Variants in KAT2B observed in about 807,000 individuals in gnomAD.
The protein encoded by KAT2B is lysine acetyltransferase 2B, also known as histone acetyltransferase KAT2B.
A neutral mutation model predicts 105.9 loss-of-function variants in KAT2B; 36 were observed. That is an observed-to-expected ratio of 0.34 (90% CI 0.26 to 0.45). KAT2B has a LOEUF of 0.45. Ranked by LOEUF, KAT2B falls within the 20% of genes least tolerant of loss-of-function variation. KAT2B has a pLI of 1.00. For synonymous variants in KAT2B, 397 were observed against 377.9 expected (o/e 1.05, Z -0.59); for missense variants, 820 against 1,021.6 (o/e 0.80, Z 2.69).
intron 11 of KAT2B, among the ~76,000 whole-genome samples, chr3:20,128,689 G>A (rs1483190202): frequency 6.6e-6 from 1 of 152,048 alleles, no homozygotes; most frequent in Non-Finnish European, 1.5e-5. Flanking sequence ...TTAAGAAAAG[G>A]GAACCAGAAA....
At position 20,063,534 on chromosome 3, in the gene KAT2B, C is replaced by CTTTT. The variant is rs36058009; in HGVS notation, c.304-8772_304-8769dup. ...CTCACAGCAACTTCTGAGTAGGCCTCTTTTTTTTTTTTTTTTTTTTTTTTT... is the reference window on the plus strand; with the variant it reads ...CTCACAGCAACTTCTGAGTAGGCCTCTTTTTTTTTTTTTTTTTTTTTTTTTTTTT... On this transcript the variant is annotated intron_variant, in intron 1 of 17. Coordinates refer to ENST00000263754, the MANE Select transcript of KAT2B (RefSeq NM_003884.5). Among the ~76,000 whole-genome samples, 399 of 88,796 alleles carry CTTTT rather than the reference C, an allele frequency of 4.5e-3. 78 individuals carry two copies. The highest frequency in any genetic ancestry group is 7.6e-3 in the Non-Finnish European group (346 of 45,344). 58.3% of individuals were successfully genotyped at this position (88,796 alleles called of 152,430 possible). A position where few individuals can be genotyped will look rare whatever the true frequency, so the allele number is the denominator to read the frequency against.
At chr3:20,054,926 A>C (rs1203570735) in intron 1 of KAT2B, among the ~76,000 whole-genome samples, 2 of 152,226 alleles carry the variant, frequency 1.3e-5, no homozygotes, top group Admixed American at 1.3e-4. Flanking sequence ...AAAAGGAAGC[A>C]AAAGCCACAA....
chr3:20,115,055 C>A, intron 7 of KAT2B, 67 bp downstream of exon 7: 9 of 911,098 alleles, frequency 9.9e-6, no homozygotes, highest in Non-Finnish European at 1.6e-5. Flanking sequence ...AGTTGCAGTT[C>A]ACTGCAACTT....
intron 4 of KAT2B, 21 bp from the exon 5 acceptor site, chr3:20,101,266 A>G: frequency 1.2e-6 from 2 of 1,608,630 alleles, no homozygotes; most frequent in East Asian, 2.2e-5. Context: ...GCATGAAGAA[A>G]TTGCCTTCCC....
rs112702314 is a variant in KAT2B at position 20,075,095 on chromosome 3, C to G, written c.430+2636C>G. ...CCTGGCCAACATGGTGAAACCCCGT[C>G]TCTACTAAAAATACAAAAATTAGCT... is the stretch of plus-strand genomic sequence containing the variant. On this transcript the variant is annotated intron_variant, in intron 2 of 17. Coordinates refer to ENST00000263754, the MANE Select transcript of KAT2B (RefSeq NM_003884.5). Among the ~76,000 whole-genome samples, 199 of 152,168 alleles carry G rather than the reference C, an allele frequency of 1.3e-3. 1 individual carries two copies. The highest frequency in any genetic ancestry group is 4.7e-3 in the African/African-American group (194 of 41,530).
chr3:20,106,995 ATATATATATATATATATATATTTTTTTT>A (rs1699024573), intron 5 of KAT2B, among the ~76,000 whole-genome samples: 3 of 17,226 alleles, frequency 1.7e-4, no homozygotes, highest in African/African-American at 2.7e-4. Flanking sequence ...ATATATATAT[ATATATATATATATATATATATTTTTTTT>A]TTTTTTTTTT....
intron 5 of KAT2B, among the ~76,000 whole-genome samples, chr3:20,106,961 G>GTATATATATATATATATATATATA (rs60656536): frequency 1.4e-5 from 1 of 69,968 alleles, no homozygotes; most frequent in Admixed American, 2.5e-4. Flanking sequence ...AATTTTATGT[G>GTATATATATATATATATATATATA]TATATATATA....
At chr3:20,103,947 A>G (rs1035774596) in intron 5 of KAT2B, among the ~76,000 whole-genome samples, 1 of 152,032 alleles carries the variant, frequency 6.6e-6, no homozygotes. Context: ...TGAGTATTCC[A>G]TGGGTGGTTT....
intron 17 of KAT2B, among the ~76,000 whole-genome samples, chr3:20,151,969 A>G (rs1699876094): frequency 6.6e-6 from 1 of 152,174 alleles, no homozygotes; most frequent in Non-Finnish European, 1.5e-5. Flanking sequence ...GCTCTACTCC[A>G]TATAGATAGA....
chr3:20,112,405 C>G (rs556391968), intron 6 of KAT2B, among the ~76,000 whole-genome samples: 4 of 152,288 alleles, frequency 2.6e-5, no homozygotes, highest in African/African-American at 4.8e-5. Flanking sequence ...CATAAATGAT[C>G]ATTTAAATAT....
At chr3:20,088,025 A>C (rs1204065767) in intron 2 of KAT2B, among the ~76,000 whole-genome samples, 7 of 151,988 alleles carry the variant, frequency 4.6e-5, no homozygotes, top group Non-Finnish European at 8.8e-5. Flanking sequence ...CAGTCCTCCT[A>C]CTTCAGCCTT....
intron 13 of KAT2B, 36 bp downstream of exon 13, chr3:20,140,400 G>GCTGT: frequency 6.2e-7 from 1 of 1,608,142 alleles, no homozygotes; most frequent in Non-Finnish European, 8.5e-7. Flanking sequence ...CTTCTGTACA[G>GCTGT]GCCAGTCTTA....
chr3:20,111,355 A>G (rs1028499694), intron 5 of KAT2B, among the ~76,000 whole-genome samples: 1 of 152,238 alleles, frequency 6.6e-6, no homozygotes, highest in Non-Finnish European at 1.5e-5. Flanking sequence ...GTTTCATTCC[A>G]GGACTCACTG....
intron 1 of KAT2B, among the ~76,000 whole-genome samples, chr3:20,051,883 A>T (rs996402126): frequency 6.6e-6 from 1 of 152,270 alleles, no homozygotes; most frequent in South Asian, 2.1e-4. Flanking sequence ...GTTTGCACAC[A>T]TGGGGTGTTA....
intron 2 of KAT2B, among the ~76,000 whole-genome samples, chr3:20,075,875 G>A (rs372698909): frequency 1.5e-3 from 229 of 148,382 alleles, no homozygotes; most frequent in African/African-American, 5.4e-3. Flanking sequence ...TCTCACCACT[G>A]CAGCCTGGGC....
intron 8 of KAT2B, among the ~76,000 whole-genome samples, 173 bp from the exon 9 acceptor site, chr3:20,122,495 T>C (rs868761575): frequency 2.6e-5 from 4 of 152,236 alleles, no homozygotes; most frequent in Admixed American, 2.0e-4. Context: ...TTGGCAGTTA[T>C]TGTGAGCTCA....
intron 7 of KAT2B, among the ~76,000 whole-genome samples, chr3:20,119,095 G>A (rs1020302156): frequency 6.6e-6 from 1 of 151,804 alleles, no homozygotes; most frequent in Non-Finnish European, 1.5e-5. Context: ...TTCTGGTGGT[G>A]GTCACCAGCT....
intron 17 of KAT2B, among the ~76,000 whole-genome samples, chr3:20,151,298 T>C (rs3804573): frequency 0.04 from 6,053 of 152,314 alleles, 205 homozygotes; most frequent in East Asian, 0.15. Flanking sequence ...TTGATGCAAA[T>C]GAATTCCTTC....
chr3:20,134,011 A>G (rs1699557122), intron 11 of KAT2B, among the ~76,000 whole-genome samples: 1 of 151,926 alleles, frequency 6.6e-6, no homozygotes. Flanking sequence ...TCTTTGTAAT[A>G]TATGTTGCAA....
Sources: allele counts gnomAD v4.1 joint callset (sites outside exome capture counted in the v4.1 genomes callset), GRCh38; gene constraint gnomAD v4.1.1; transcripts MANE v1.5; gene names NCBI Gene and HGNC (gene_info 2026-07-23, HGNC 2026-07-21).